Variants in TARS2 observed in about 807,000 individuals in gnomAD.
The protein encoded by TARS2 is threonine--tRNA ligase, mitochondrial.
A neutral mutation model predicts 94.4 loss-of-function variants in TARS2; 61 were observed. That is an observed-to-expected ratio of 0.65 (90% confidence interval 0.53 to 0.80). The LOEUF is 0.80. Among genes scored for constraint, TARS2 ranks in the 30% least tolerant of loss-of-function variants. The pLI, the probability that TARS2 is intolerant of heterozygous loss-of-function variation, is 0.00. For synonymous variants in TARS2, 359 were observed against 353.4 expected (o/e 1.02, Z -0.18); for missense variants, 704 against 902.5 (o/e 0.78, Z 2.82).
rs112102180 is a variant in TARS2, at chr1:150,497,554, T to G, written c.1045T>G (p.Ser349Ala). ...GGCTGAGTATGCCCATCGTGGTTTC[T>G]CCGAGGTGAAAACTCCCACACTGTT... is the stretch of plus-strand genomic sequence containing the variant. ...IRAEYAHRGF[S>A]EVKTPTLFST... The change falls in exon 10 of 18, where the codon TCC (serine) becomes GCC (alanine). Residue 349 changes from serine to alanine, a missense_variant. By Grantham distance (99) the Ser-to-Ala change is moderately conservative (BLOSUM62 1). Around this residue, in one of 3 missense-constraint regions of TARS2, gnomAD observed 466 missense variants for 609.5 expected, o/e 0.76. Coordinates refer to ENST00000369064, the MANE Select transcript of TARS2 (RefSeq NM_025150.5). 19 of 1,614,154 alleles carry G rather than the reference T, an allele frequency of 1.2e-5. No homozygotes were observed. In the African/African-American group the frequency reaches 2.0e-4, roughly 17 times the overall value.
Position 150,487,466 on chromosome 1 carries a change from A to G in TARS2, c.16A>G (p.Arg6Gly). MALYQ[R>G]WRCLRLQGLQ... is the part of the protein sequence containing the mutation. The stretch of plus-strand genomic sequence containing the variant: ...GTGAAGGAACATGGCCCTGTATCAG[A>G]GGTGGCGGTGTCTCCGGCTCCAAGG... The change falls in exon 1 of 18, where the codon AGG (arginine) becomes GGG (glycine). Residue 6 changes from arginine to glycine, a missense_variant. By Grantham distance (125) the Arg-to-Gly change is moderately radical. This residue lies in a region of TARS2 where 208 missense variants were observed against 228.5 expected (regional missense o/e 0.91). Coordinates refer to ENST00000369064, the MANE Select transcript of TARS2 (RefSeq NM_025150.5). 6.2e-7 allele frequency: 1 copy of G among 1,614,234 alleles called. No individual in the cohort carries two copies. The highest frequency in any genetic ancestry group is 8.5e-7 in the Non-Finnish European group (1 of 1,180,038).
intron 12 of TARS2, 51 bp from the exon 13 acceptor site, chr1:150,499,165 G>C (rs373402280): frequency 1.2e-6 from 2 of 1,611,506 alleles, no homozygotes; most frequent in African/African-American, 1.3e-5. Context: ...CGGATGTGTT[G>C]CTTTTGAAGT....
chr1:150,495,728 G>C (rs930112229), intron 7 of TARS2, among the ~76,000 whole-genome samples: 2 of 125,082 alleles, frequency 1.6e-5, no homozygotes, highest in East Asian at 5.1e-4. Flanking sequence ...TTGTTTGTTT[G>C]TTATTTTTTG....
In TARS2 at chr1:150,498,944, T is replaced by C. The variant is rs587702953; in HGVS notation, c.1449T>C (p.Tyr483=). 3 of 1,614,256 alleles carry C rather than the reference T, an allele frequency of 1.9e-6. No homozygotes were observed. The highest frequency in any genetic ancestry group is 1.1e-5 in the South Asian group (1 of 91,090). ...QSCLDFLRSV[Y]AVLGFSFRLA... ...GTCTTGATTTCCTCCGTTCCGTCTA[T>C]GCCGTTCTTGGCTTCTCCTTCCGCC... Residue 483 remains tyrosine (Y), a synonymous_variant, in exon 12 of 18, where the codon TAT becomes TAC. Transcript: ENST00000369064.
intron 6 of TARS2, chr1:150,492,012 G>T (rs1669416101): frequency 4.1e-6 from 1 of 244,156 alleles, no homozygotes; most frequent in South Asian, 4.7e-5. Context: ...TGTCACCCAG[G>T]CTGGAATGCA....
chr1:150,489,233 G>A, intron 3 of TARS2, 146 bp downstream of exon 3: 2 of 1,236,278 alleles, frequency 1.6e-6, no homozygotes, highest in Middle Eastern at 1.9e-4. Context: ...ACTATTTCTG[G>A]TTAGGAAACT....
chr1:150,490,540 A>C, intron 3 of TARS2, 61 bp from the exon 4 acceptor site: 1 of 1,557,030 alleles, frequency 6.4e-7, no homozygotes, highest in South Asian at 1.2e-5. Flanking sequence ...GGAAGAGCTC[A>C]GAGATCTAGG....
At chr1:150,505,040 A>G in intron 16 of TARS2, 62 bp downstream of exon 16, 1 of 1,562,052 alleles carries the variant, frequency 6.4e-7, no homozygotes, top group East Asian at 2.3e-5. Flanking sequence ...GGTGCCCTGC[A>G]GTGGGCAGGA....
rs754955081 is a variant in TARS2 at position 150,487,950 on chromosome 1, G to A, written c.159G>A (p.Met53Ile). Reference sequence around the variant, plus strand: ...CTCAGGTAAAGAGATTAGCAAGCATGGCACAGAAGGAACCCCGGACTATTA... The same window carrying A: ...CTCAGGTAAAGAGATTAGCAAGCATAGCACAGAAGGAACCCCGGACTATTA... Reference protein sequence around the residue: ...WAAQVKRLASMAQKEPRTIKI... With the variant: ...WAAQVKRLASIAQKEPRTIKI... Residue 53 changes from methionine (M) to isoleucine (I), a missense_variant, in exon 2 of 18, where the codon ATG becomes ATA. Met to Ile is a conservative substitution (Grantham distance 10, BLOSUM62 1). This residue lies in a region of TARS2 where 208 missense variants were observed against 228.5 expected (regional missense o/e 0.91). Coordinates refer to ENST00000369064, the MANE Select transcript of TARS2 (RefSeq NM_025150.5). 1.4e-5 allele frequency: 23 copies of A among 1,613,926 alleles called. No homozygotes were observed. Among genetic ancestry groups the A allele is most frequent in the Admixed American group, 1.3e-4 (8 of 59,982 alleles).
At chr1:150,492,321 C>T in intron 6 of TARS2, 90 bp from the exon 7 acceptor site, 2 of 1,346,222 alleles carry the variant, frequency 1.5e-6, no homozygotes, top group Non-Finnish European at 2.1e-6. Flanking sequence ...CCTTTCTCTT[C>T]ACCTCTTCTG....
intron 4 of TARS2, 89 bp from the exon 5 acceptor site, chr1:150,491,305 C>A: frequency 7.8e-7 from 1 of 1,278,772 alleles, no homozygotes; most frequent in Non-Finnish European, 1.1e-6. Context: ...TCTTGAAGGA[C>A]AGGACCTTAC....
intron 12 of TARS2, 62 bp from the exon 13 acceptor site, chr1:150,499,154 C>CA: frequency 6.2e-7 from 1 of 1,610,308 alleles, no homozygotes; most frequent in Non-Finnish European, 8.5e-7. Context: ...TGGGGACTGA[C>CA]CGGATGTGTT....
intron 7 of TARS2, among the ~76,000 whole-genome samples, chr1:150,492,833 T>A (rs587720016): frequency 7.7e-6 from 1 of 129,722 alleles, no homozygotes; most frequent in Non-Finnish European, 1.7e-5. Context: ...AAAAAATTCC[T>A]GGTTTCACTG....
intron 13 of TARS2, among the ~76,000 whole-genome samples, chr1:150,503,669 ATGTGTGTATATATGTGTATATATATG>A (rs1670060335): frequency 6.7e-6 from 1 of 149,732 alleles, no homozygotes; most frequent in African/African-American, 2.5e-5. Flanking sequence ...GTGTGTATAT[ATGTGTGTATATATGTGTATATATATG>A]TGTGTGTATA....
chr1:150,488,837 A>T, intron 2 of TARS2, 127 bp from the exon 3 acceptor site: 1 of 1,370,308 alleles, frequency 7.3e-7, no homozygotes, highest in Non-Finnish European at 9.8e-7. Flanking sequence ...GGTAACTATC[A>T]CTCTATTCTC....
At chr1:150,499,185 T>G in intron 12 of TARS2, 31 bp from the exon 13 acceptor site, 6 of 1,613,324 alleles carry the variant, frequency 3.7e-6, no homozygotes, top group Non-Finnish European at 5.1e-6. Context: ...TCTAAGATGA[T>G]GTATTCCACT....
rs200496772 is a variant in TARS2 at position 150,488,773 on chromosome 1, T to G, written c.264-191T>G. On this transcript the variant is annotated intron_variant, in intron 2 of 17. Transcript: ENST00000369064. ...ATATTCCTTCTGTCTAACTCTATTTTTGTACCCATTAGCCAACCTCTTCAT... is the reference window on the plus strand; with the variant it reads ...ATATTCCTTCTGTCTAACTCTATTTGTGTACCCATTAGCCAACCTCTTCAT... 177 of 649,650 alleles carry G rather than the reference T, an allele frequency of 2.7e-4. 1 individual carries two copies. In the East Asian group the frequency reaches 5.0e-3, roughly 18 times the overall value. 40.2% of individuals were successfully genotyped at this position (649,650 alleles called of 1,614,324 possible). A position where few individuals can be genotyped will look rare whatever the true frequency, so the allele number is the denominator to read the frequency against.
intron 7 of TARS2, among the ~76,000 whole-genome samples, chr1:150,495,089 G>C (rs1212126675): frequency 6.6e-6 from 1 of 152,016 alleles, no homozygotes; most frequent in South Asian, 2.1e-4. Flanking sequence ...TGAGGCAGGA[G>C]AATGGCGTGA....
intron 3 of TARS2, among the ~76,000 whole-genome samples, chr1:150,489,743 C>G (rs1028814897): frequency 6.6e-6 from 1 of 152,152 alleles, no homozygotes; most frequent in Non-Finnish European, 1.5e-5. Context: ...GAGTTCAAGA[C>G]CAGCCTGGCC....
Sources: allele counts gnomAD v4.1 joint callset (sites outside exome capture counted in the v4.1 genomes callset), GRCh38; gene constraint gnomAD v4.1.1; regional missense constraint gnomAD v4.1.1; transcripts MANE v1.5; gene names NCBI Gene and HGNC (gene_info 2026-07-23, HGNC 2026-07-21).